KAZN: variants seen among roughly 807,000 people sequenced by gnomAD.
The protein encoded by KAZN is kazrin, periplakin interacting protein.
A neutral mutation model predicts 87.4 loss-of-function variants in KAZN; 40 were observed. That is an observed-to-expected ratio of 0.46 (90% CI 0.36 to 0.60). KAZN has a LOEUF of 0.60. Among genes scored for constraint, KAZN ranks in the 20% least tolerant of loss-of-function variants. The pLI is 0.00. For synonymous variants in KAZN, 466 were observed against 458.3 expected, an observed-to-expected ratio of 1.02 and a Z score of -0.22; for missense variants, 898 against 1,073.9, an observed-to-expected ratio of 0.84 and a Z score of 2.29.
chr1:14,432,881 T>A (rs1006239671), intron 2 of KAZN, among the ~76,000 whole-genome samples: 1 of 152,200 alleles, frequency 6.6e-6, no homozygotes, highest in African/African-American at 2.4e-5. Context: ...GCTTCATTGA[T>A]GTCCCTGCAA....
At chr1:15,078,059 C>T (rs888314187) in intron 8 of KAZN, among the ~76,000 whole-genome samples, 3 of 152,038 alleles carry the variant, frequency 2.0e-5, no homozygotes, top group African/African-American at 7.3e-5. Context: ...ACCAAAGTCA[C>T]GTAAGAAATT....
chr1:14,732,917 C>T (rs749299588), intron 1 of KAZN, among the ~76,000 whole-genome samples: 6 of 152,140 alleles, frequency 3.9e-5, no homozygotes, highest in East Asian at 1.9e-4. Flanking sequence ...CTCCTTTAAC[C>T]GATAGGTATT....
chr1:14,854,203 G>A (rs1395923584), intron 1 of KAZN, among the ~76,000 whole-genome samples: 5 of 152,128 alleles, frequency 3.3e-5, no homozygotes, highest in African/African-American at 7.2e-5. Flanking sequence ...GAAGAAAAGG[G>A]ACTTACCCAA....
At chr1:13,947,894 C>G (rs1641206402) in intron 1 of KAZN, among the ~76,000 whole-genome samples, 1 of 152,160 alleles carries the variant, frequency 6.6e-6, no homozygotes, top group South Asian at 2.1e-4. Flanking sequence ...TCTTTAAAGA[C>G]CTTATCTCCA....
intron 1 of KAZN, among the ~76,000 whole-genome samples, chr1:14,859,745 TA>T (rs993266440): frequency 6.6e-6 from 1 of 152,182 alleles, no homozygotes; most frequent in Non-Finnish European, 1.5e-5. Flanking sequence ...AGGGCAGGAT[TA>T]CTTGTCCTTC....
chr1:14,180,946 A>G (rs1441146916), intron 2 of KAZN, among the ~76,000 whole-genome samples: 2 of 152,184 alleles, frequency 1.3e-5, no homozygotes, highest in Non-Finnish European at 2.9e-5. Context: ...TGTCCCAAAC[A>G]GCATAAGTAA....
intron 2 of KAZN, among the ~76,000 whole-genome samples, chr1:14,969,815 A>ATTT (rs1248978700): frequency 2.6e-5 from 4 of 152,048 alleles, no homozygotes; most frequent in Admixed American, 6.5e-5. Context: ...ATTTTATTTT[A>ATTT]TATTATTTTT....
intron 1 of KAZN, among the ~76,000 whole-genome samples, chr1:14,792,974 C>CAAAAAAAAAAAA (rs1338876410): frequency 9.2e-6 from 1 of 108,914 alleles, no homozygotes; most frequent in Non-Finnish European, 1.8e-5. Flanking sequence ...GACTCTGTCT[C>CAAAAAAAAAAAA]AAAAAAAAAA....
intron 2 of KAZN, among the ~76,000 whole-genome samples, chr1:15,020,831 G>A (rs573746739): frequency 5.9e-5 from 9 of 152,180 alleles, no homozygotes; most frequent in Non-Finnish European, 8.8e-5. Flanking sequence ...ACGCTGGCAT[G>A]ATGTGACTTG....
At chr1:14,993,904 G>A (rs887766542) in intron 2 of KAZN, among the ~76,000 whole-genome samples, 11 of 152,354 alleles carry the variant, frequency 7.2e-5, no homozygotes, top group African/African-American at 2.6e-4. Flanking sequence ...TCTTTGGGTG[G>A]GCAGGGAACA....
Position 15,007,567 on chromosome 1 carries a change from C to T in KAZN, c.419-27182C>T, listed in dbSNP as rs1172682982. Among the ~76,000 whole-genome samples the T allele has an allele frequency of 3.9e-5, 6 of 152,176 alleles. No homozygotes were observed. The South Asian group carries it at 1.0e-3, about 26-fold the overall frequency. ...AGGAGGAGGTCCCAGGTGGGAGGCT[C>T]GGGCCGAGCTCTGGTGGGACGCAAG... On this transcript the variant is annotated intron_variant, in intron 2 of 14. Transcript: ENST00000376030.
chr1:14,620,757 G>C (rs1678633650), intron 1 of KAZN, among the ~76,000 whole-genome samples: 1 of 152,170 alleles, frequency 6.6e-6, no homozygotes, highest in Non-Finnish European at 1.5e-5. Context: ...TGAGTGAAGT[G>C]CCTCATCTCA....
chr1:13,897,362 G>C (rs769729100), intron 1 of KAZN, among the ~76,000 whole-genome samples: 5 of 152,202 alleles, frequency 3.3e-5, no homozygotes, highest in Non-Finnish European at 7.3e-5. Context: ...AATGTGAAAG[G>C]GATCAAGCCT....
rs537673283 is a variant in KAZN at position 14,409,700 on chromosome 1, C to T, written c.250-189283C>T. Among the ~76,000 whole-genome samples, 166 of 152,272 alleles carry T rather than the reference C, an allele frequency of 1.1e-3. 2 individuals are homozygous for T. The highest frequency in any genetic ancestry group is 7.3e-3 in the Admixed American group (111 of 15,288). On this transcript the variant is annotated intron_variant, in intron 2 of 16. Transcript: ENST00000636203. Reference sequence around the variant, plus strand: ...GCTCTGCTGAAAATGAGCTTTCAATCTCAAACTACAAATGTACAAGGAAAA... The same window carrying T: ...GCTCTGCTGAAAATGAGCTTTCAATTTCAAACTACAAATGTACAAGGAAAA...
chr1:14,586,209 G>T (rs1029825870), intron 2 of KAZN, among the ~76,000 whole-genome samples: 22 of 152,238 alleles, frequency 1.4e-4, no homozygotes, highest in Admixed American at 1.4e-3. Context: ...ATGCTTCCTA[G>T]TGGAGGTTTT....
intron 2 of KAZN, among the ~76,000 whole-genome samples, chr1:14,192,113 C>G (rs999460172): frequency 6.6e-6 from 1 of 152,034 alleles, no homozygotes; most frequent in Non-Finnish European, 1.5e-5. Flanking sequence ...ATTCGTGGTA[C>G]CCCCAAACAT....
chr1:14,908,020 G>A (rs1014932336), intron 1 of KAZN, among the ~76,000 whole-genome samples: 17 of 152,170 alleles, frequency 1.1e-4, no homozygotes, highest in Admixed American at 2.6e-4. Context: ...GCATCATGCC[G>A]GGCACTTCAC....
At chr1:14,514,352 ATT>A (rs372324552) in intron 2 of KAZN, among the ~76,000 whole-genome samples, 1 of 20,572 alleles carries the variant, frequency 4.9e-5, no homozygotes, top group African/African-American at 2.8e-4. Context: ...ATTTATATAT[ATT>A]ATATATATAT....
At chr1:15,090,446 A>G (rs955561621) in intron 8 of KAZN, among the ~76,000 whole-genome samples, 2 of 152,208 alleles carry the variant, frequency 1.3e-5, no homozygotes, top group African/African-American at 4.8e-5. Context: ...GCCTGATCCA[A>G]AAGACTTCCC....
Sources: allele counts gnomAD v4.1 joint callset (sites outside exome capture counted in the v4.1 genomes callset), GRCh38; gene constraint gnomAD v4.1.1; transcripts MANE v1.5; gene names NCBI Gene and HGNC (gene_info 2026-07-23, HGNC 2026-07-21).